The following BMP2K variants were observed in gnomAD, a reference collection of about 807,000 sequenced individuals.
BMP2K encodes BMP2 inducible kinase, also known as BMP-2-inducible protein kinase.
Under a neutral mutation model 116.0 loss-of-function variants are expected in BMP2K, and 74 were observed. That is an observed-to-expected ratio of 0.64 (90% CI 0.53 to 0.77). The LOEUF (loss-of-function observed/expected upper bound fraction) is 0.77. Among genes scored for constraint, BMP2K ranks in the 30% least tolerant of loss-of-function variants. The probability of loss-of-function intolerance (pLI) is 0.00; values close to 1 mark genes in which losing one functional copy is unlikely to be tolerated. For synonymous variants in BMP2K, 486 were observed against 502.5 expected, an observed-to-expected ratio of 0.97 and a Z score of 0.44; for missense variants, 1,365 against 1,403.6, an observed-to-expected ratio of 0.97 and a Z score of 0.44.
At chr4:78,795,830 AC>A (rs1728234556) in intron 1 of BMP2K, among the ~76,000 whole-genome samples, 1 of 152,118 alleles carries the variant, frequency 6.6e-6, no homozygotes. Flanking sequence ...GCAAATCAAA[AC>A]CACAATGAGA....
At chr4:78,826,552 A>G (rs1227334251) in intron 2 of BMP2K, among the ~76,000 whole-genome samples, 2 of 152,142 alleles carry the variant, frequency 1.3e-5, no homozygotes, top group Non-Finnish European at 2.9e-5. Flanking sequence ...CTGCTTATTT[A>G]TAATAATCTT....
chr4:78,840,062 G>A (rs1239890219), intron 3 of BMP2K, among the ~76,000 whole-genome samples: 1 of 151,962 alleles, frequency 6.6e-6, no homozygotes. Flanking sequence ...AAATTTAAAT[G>A]GAGTAATAGG....
At chr4:78,817,152 A>C (rs1729389663) in intron 1 of BMP2K, among the ~76,000 whole-genome samples, 1 of 152,230 alleles carries the variant, frequency 6.6e-6, no homozygotes, top group Non-Finnish European at 1.5e-5. Flanking sequence ...AGAAGATAAA[A>C]TACATCCATA....
chr4:78,868,469 A>C (rs922080539), intron 10 of BMP2K, among the ~76,000 whole-genome samples: 1 of 152,082 alleles, frequency 6.6e-6, no homozygotes, highest in Non-Finnish European at 1.5e-5. Context: ...GACCCCTCCA[A>C]ATCTCATGTC....
intron 6 of BMP2K, among the ~76,000 whole-genome samples, chr4:78,850,610 T>C (rs932511802): frequency 6.6e-6 from 1 of 151,856 alleles, no homozygotes; most frequent in African/African-American, 2.4e-5. Context: ...TATATGCTAG[T>C]TATGTATTAA....
At chr4:78,861,566 C>T in intron 9 of BMP2K, 98 bp downstream of exon 9, 9 of 980,104 alleles carry the variant, frequency 9.2e-6, no homozygotes, top group Non-Finnish European at 1.4e-5. Flanking sequence ...TCATCTTCAT[C>T]CACAAAGAAT....
At chr4:78,904,505 A>T (rs1292739672) in intron 15 of BMP2K, among the ~76,000 whole-genome samples, 1 of 151,890 alleles carries the variant, frequency 6.6e-6, no homozygotes. Flanking sequence ...CACACAAGAT[A>T]ATTTAAAACT....
intron 1 of BMP2K, among the ~76,000 whole-genome samples, chr4:78,784,603 CAG>C (rs1417918196): frequency 3.3e-5 from 5 of 152,190 alleles, no homozygotes; most frequent in African/African-American, 1.2e-4. Flanking sequence ...GCCTTTTCTA[CAG>C]AGAGACTTTG....
chr4:78,903,106 T>G (rs1307249535), intron 15 of BMP2K, among the ~76,000 whole-genome samples: 1 of 152,066 alleles, frequency 6.6e-6, no homozygotes, highest in Non-Finnish European at 1.5e-5. Context: ...TATTGTATTG[T>G]ATTGTATGCC....
intron 15 of BMP2K, among the ~76,000 whole-genome samples, chr4:78,899,600 G>C (rs964600165): frequency 9.9e-5 from 15 of 151,972 alleles, no homozygotes; most frequent in African/African-American, 3.6e-4. Context: ...TAAGAAAAGG[G>C]ATAGAGAAAG....
Position 78,912,098 on chromosome 4 carries a change from T to A in BMP2K, c.*65T>A. The A allele has an allele frequency of 6.9e-7, 1 of 1,443,236 alleles. No homozygotes were observed. The highest frequency in any genetic ancestry group is 9.4e-7 in the Non-Finnish European group (1 of 1,062,154). The allele number at this position is 1,443,236 out of a possible 1,614,324, so 89.4% of individuals were successfully genotyped here. A position where few individuals can be genotyped will look rare whatever the true frequency, so the allele number is the denominator to read the frequency against. ...AAAAGTGTGAACAGTTTTATGAATT[T>A]GAAAGAAAATTTGGTAGCTCTTTAT... On this transcript the variant is annotated 3_prime_UTR_variant, in exon 16 of 16. Transcript: ENST00000502613.
chr4:78,841,512 C>T (rs1730759717), intron 3 of BMP2K, among the ~76,000 whole-genome samples: 1 of 152,094 alleles, frequency 6.6e-6, no homozygotes, highest in Non-Finnish European at 1.5e-5. Context: ...TATCTGTTAT[C>T]TGGATAGAAT....
intron 1 of BMP2K, among the ~76,000 whole-genome samples, chr4:78,814,901 T>G (rs1729261048): frequency 6.6e-6 from 1 of 152,182 alleles, no homozygotes; most frequent in South Asian, 2.1e-4. Flanking sequence ...TTTAATTTCA[T>G]AGTGGCTTAA....
chr4:78,887,104 A>G, intron 14 of BMP2K, 70 bp from the exon 15 acceptor site: 1 of 1,095,562 alleles, frequency 9.1e-7, no homozygotes, highest in Non-Finnish European at 1.3e-6. Context: ...TTATATGTAT[A>G]TCACTTTTTA....
At chr4:78,896,817 T>C (rs1282488628) in intron 15 of BMP2K, among the ~76,000 whole-genome samples, 2 of 152,210 alleles carry the variant, frequency 1.3e-5, no homozygotes, top group Non-Finnish European at 2.9e-5. Flanking sequence ...CTTTATTGAA[T>C]ATCCTTACAC....
chr4:78,862,624 C>CTA (rs1731850493), intron 9 of BMP2K, among the ~76,000 whole-genome samples: 1 of 151,992 alleles, frequency 6.6e-6, no homozygotes, highest in Non-Finnish European at 1.5e-5. Context: ...GGACTTTGGC[C>CTA]TATAGGTCAG....
chr4:78,834,879 A>G (rs530010820), intron 3 of BMP2K, among the ~76,000 whole-genome samples: 3 of 152,334 alleles, frequency 2.0e-5, no homozygotes, highest in South Asian at 4.1e-4. Context: ...TCCATACACA[A>G]TATTTAACAA....
chr4:78,819,802 A>G (rs1158107276), intron 1 of BMP2K, among the ~76,000 whole-genome samples: 1 of 152,180 alleles, frequency 6.6e-6, no homozygotes, highest in Non-Finnish European at 1.5e-5. Context: ...ATGCCTATTC[A>G]CTTACCAGGC....
At chr4:78,816,670 A>G (rs775637228) in intron 1 of BMP2K, among the ~76,000 whole-genome samples, 6 of 152,204 alleles carry the variant, frequency 3.9e-5, no homozygotes, top group African/African-American at 7.2e-5. Context: ...TGCTGGACTA[A>G]ATTAATTTCT....
Sources: gnomAD v4.1 joint callset for allele counts (sites outside exome capture counted in the v4.1 genomes callset) on GRCh38, gnomAD v4.1.1 for gene constraint, MANE v1.5 for transcripts, NCBI Gene and HGNC (gene_info 2026-07-23, HGNC 2026-07-21) for gene names.